STPG2: variants seen among roughly 807,000 people sequenced by gnomAD.
STPG2 encodes the protein sperm tail PG-rich repeat containing 2, also known as sperm-tail PG-rich repeat-containing protein 2.
A neutral mutation model predicts 54.2 loss-of-function variants in STPG2; 56 were observed. The ratio of observed to expected loss-of-function variants is 1.03; its 90% CI spans 0.83 to 1.29. The LOEUF (loss-of-function observed/expected upper bound fraction) is 1.29. STPG2 is among the 50% of genes most tolerant of loss of function. The pLI, the probability that STPG2 is intolerant of heterozygous loss-of-function variation, is 0.00. For missense variants in STPG2, 596 were observed against 544.9 expected, an observed-to-expected ratio of 1.09 and a Z score of -0.93; for synonymous variants, 200 against 181.8, an observed-to-expected ratio of 1.10 and a Z score of -0.81.
intron 9 of STPG2, among the ~76,000 whole-genome samples, chr4:97,715,549 C>T (rs963104120): frequency 1.3e-4 from 20 of 152,014 alleles, no homozygotes; most frequent in African/African-American, 4.6e-4. Flanking sequence ...CATCTTGGTA[C>T]ATTAGAGTGG....
At chr4:98,113,867 A>G (rs1739430989) in intron 3 of STPG2, among the ~76,000 whole-genome samples, 1 of 152,010 alleles carries the variant, frequency 6.6e-6, no homozygotes, top group African/African-American at 2.4e-5. Flanking sequence ...CACAAAAGGA[A>G]ATAAGGGAGT....
At chr4:97,490,945 T>C (rs1307898348) in intron 4 of STPG2, among the ~76,000 whole-genome samples, 1 of 151,634 alleles carries the variant, frequency 6.6e-6, no homozygotes, top group Non-Finnish European at 1.5e-5. Flanking sequence ...ATTTAGTTAA[T>C]ATGACCTCAG....
chr4:97,636,719 C>T (rs558920835), intron 10 of STPG2, among the ~76,000 whole-genome samples: 5 of 152,190 alleles, frequency 3.3e-5, no homozygotes, highest in South Asian at 2.1e-4. Flanking sequence ...AACACCTCTA[C>T]GAAAATAAAC....
intron 5 of STPG2, among the ~76,000 whole-genome samples, chr4:98,033,332 G>A (rs568422173): frequency 4.6e-5 from 7 of 151,858 alleles, no homozygotes; most frequent in Non-Finnish European, 1.0e-4. Context: ...ACAACTCTAC[G>A]CAAATAAACT....
At chr4:97,740,417 A>T (rs1022129798) in intron 9 of STPG2, among the ~76,000 whole-genome samples, 10 of 152,170 alleles carry the variant, frequency 6.6e-5, no homozygotes, top group South Asian at 2.1e-4. Context: ...AGAGGAAGTC[A>T]AATTGTCCCT....
At chr4:97,753,905 T>C (rs1421109860) in intron 9 of STPG2, among the ~76,000 whole-genome samples, 1 of 152,060 alleles carries the variant, frequency 6.6e-6, no homozygotes, top group Admixed American at 6.6e-5. Flanking sequence ...TCTTTATATC[T>C]TTTGGATATT....
At chr4:97,564,626 C>T (rs1732370662) in intron 10 of STPG2, among the ~76,000 whole-genome samples, 1 of 152,104 alleles carries the variant, frequency 6.6e-6, no homozygotes, top group Admixed American at 6.5e-5. Flanking sequence ...TAGGGCAGGC[C>T]TGGTGGTGAC....
intron 9 of STPG2, among the ~76,000 whole-genome samples, chr4:97,793,495 C>T (rs1727071700): frequency 6.6e-6 from 1 of 151,726 alleles, no homozygotes; most frequent in South Asian, 2.1e-4. Flanking sequence ...AAACTTCATG[C>T]CCAGTACACA....
At chr4:97,776,350 T>G (rs1426589617) in intron 9 of STPG2, among the ~76,000 whole-genome samples, 1 of 152,170 alleles carries the variant, frequency 6.6e-6, no homozygotes, top group African/African-American at 2.4e-5. Context: ...AACCAATAAG[T>G]AACAAAGCTG....
chr4:97,704,831 A>G (rs970831632), intron 10 of STPG2, among the ~76,000 whole-genome samples: 5 of 152,216 alleles, frequency 3.3e-5, no homozygotes, highest in African/African-American at 1.2e-4. Context: ...AATTTTCCAC[A>G]AAGATAATAT....
intron 4 of STPG2, among the ~76,000 whole-genome samples, chr4:97,496,919 A>G: frequency 6.6e-6 from 1 of 151,632 alleles, no homozygotes; most frequent in East Asian, 1.9e-4. Context: ...ATTAAGAAAG[A>G]GAAAATAATA....
intron 9 of STPG2, among the ~76,000 whole-genome samples, chr4:97,772,326 T>C (rs1726246567): frequency 6.6e-6 from 1 of 152,222 alleles, no homozygotes; most frequent in African/African-American, 2.4e-5. Context: ...AATTTAATTG[T>C]ATGTTTATTG....
rs138227767 is a variant in STPG2 at position 97,751,412 on chromosome 4, A to C, written c.1205-38598T>G. 1.7e-4 allele frequency among the ~76,000 whole-genome samples: 26 copies of C among 151,966 alleles called. 1 individual carries two copies. Among genetic ancestry groups the C allele is most frequent in the Admixed American group, 1.3e-3 (20 of 15,226 alleles). On this transcript the variant is annotated intron_variant, in intron 9 of 10. Transcript: ENST00000295268. ...CCCAACACAACTACAAAATAGTTTTATATGTTTCTTAAAGTTATGGTGACA... is the reference window on the plus strand; with the variant it reads ...CCCAACACAACTACAAAATAGTTTTCTATGTTTCTTAAAGTTATGGTGACA...
rs189178016 is a variant in STPG2 at position 97,535,055 on chromosome 4, G to A, written c.462+177644C>T. ...AAATCTGAGTTGTTTACAAGTTTGA[G>A]AAATTATGAACAACATTTATGTAAG... is the stretch of plus-strand genomic sequence containing the variant. On this transcript the variant is annotated intron_variant, in intron 4 of 4. Transcript: ENST00000522676. Among the ~76,000 whole-genome samples, 529 of 152,262 alleles carry A rather than the reference G, an allele frequency of 3.5e-3. 4 individuals carry two copies. Among genetic ancestry groups the A allele is most frequent in the African/African-American group, 0.012 (491 of 41,578 alleles).
At chr4:97,974,724 C>T (rs974588030) in intron 6 of STPG2, among the ~76,000 whole-genome samples, 1 of 152,152 alleles carries the variant, frequency 6.6e-6, no homozygotes, top group African/African-American at 2.4e-5. Context: ...TATCTTCCAC[C>T]ATGATTGTGA....
chr4:97,446,200 G>T (rs1360166775), intron 4 of STPG2, among the ~76,000 whole-genome samples: 3 of 152,118 alleles, frequency 2.0e-5, no homozygotes, highest in African/African-American at 7.2e-5. Context: ...TAATTAAAAA[G>T]CAACTCACCT....
intron 4 of STPG2, among the ~76,000 whole-genome samples, chr4:97,496,089 C>T (rs950387306): frequency 4.6e-5 from 7 of 151,530 alleles, no homozygotes; most frequent in Non-Finnish European, 1.0e-4. Flanking sequence ...AGATGACTAA[C>T]ACTTTAATAA....
At position 97,567,189 on chromosome 4, in the gene STPG2, A is replaced by AACAC. The variant is rs142654573; in HGVS notation, c.1321-8076_1321-8073dup. 3.1e-3 allele frequency among the ~76,000 whole-genome samples: 452 copies of AACAC among 145,454 alleles called. 2 individuals carry two copies. The highest frequency in any genetic ancestry group is 0.021 in the Middle Eastern group (6 of 284). ...CTTACTTTAAGGTAGTCATAGCTGT[A>AACAC]ACACACACACACACACACACATACA... On this transcript the variant is annotated intron_variant, in intron 10 of 10. Coordinates refer to ENST00000295268, the MANE Select transcript of STPG2 (RefSeq NM_174952.3).
intron 9 of STPG2, among the ~76,000 whole-genome samples, chr4:97,832,929 T>C (rs1038324043): frequency 4.6e-5 from 7 of 152,144 alleles, no homozygotes; most frequent in African/African-American, 1.4e-4. Context: ...AAAATGACCA[T>C]ACTGCCCAAA....
Sources: gnomAD v4.1 joint callset for allele counts (sites outside exome capture counted in the v4.1 genomes callset) on GRCh38, gnomAD v4.1.1 for gene constraint, MANE v1.5 for transcripts, NCBI Gene and HGNC (gene_info 2026-07-23, HGNC 2026-07-21) for gene names.